ASIC2: variants seen among roughly 807,000 people sequenced by gnomAD.
ASIC2 encodes the protein acid-sensing ion channel 2.
ASIC2 carries 25 observed loss-of-function variants against 57.3 expected under a neutral mutation model. The ratio of observed to expected loss-of-function variants is 0.44; its 90% CI spans 0.32 to 0.61. The LOEUF (loss-of-function observed/expected upper bound fraction) is 0.61. ASIC2 is among the 20% of genes least tolerant of loss of function. The pLI is 0.06. For synonymous variants in ASIC2, 319 were observed against 307.5 expected, an observed-to-expected ratio of 1.04 and a Z score of -0.39; for missense variants, 641 against 738.1, an observed-to-expected ratio of 0.87 and a Z score of 1.52.
At chr17:33,996,375 T>A (rs1197237180) in intron 1 of ASIC2, among the ~76,000 whole-genome samples, 1 of 152,214 alleles carries the variant, frequency 6.6e-6, no homozygotes, top group Non-Finnish European at 1.5e-5. Flanking sequence ...TTTGTCTAGT[T>A]TTGCTTTTGT....
At chr17:33,716,011 T>C (rs777999743) in intron 1 of ASIC2, among the ~76,000 whole-genome samples, 3 of 152,152 alleles carry the variant, frequency 2.0e-5, no homozygotes, top group Non-Finnish European at 4.4e-5. Flanking sequence ...TCCTCCTCCA[T>C]TGCCACATAG....
chr17:34,057,590 G>A (rs559280173), intron 1 of ASIC2, among the ~76,000 whole-genome samples: 2 of 152,206 alleles, frequency 1.3e-5, no homozygotes, highest in East Asian at 3.9e-4. Context: ...GACTGCAGGA[G>A]GGGAGGAAAT....
chr17:33,862,558 G>A (rs887893778), intron 1 of ASIC2, among the ~76,000 whole-genome samples: 3 of 152,146 alleles, frequency 2.0e-5, no homozygotes, highest in African/African-American at 7.2e-5. Context: ...GTGCAAGTAG[G>A]TATTCCAGGT....
rs17249368 is a variant in ASIC2 at position 33,431,790 on chromosome 17, C to T, written c.556-319723G>A. Among the ~76,000 whole-genome samples the T allele has an allele frequency of 7.1e-3, 1,073 of 152,182 alleles. 48 individuals are homozygous for T. In the East Asian group the frequency reaches 0.096, roughly 14 times the overall value. On this transcript the variant is annotated intron_variant, in intron 1 of 9. Coordinates refer to the ASIC2 transcript ENST00000359872. ...CATCATAAAAATATTGAGGGCAAAA[C>T]CCACACAAAATCATCATAAGAACGA...
chr17:33,353,161 G>A (rs1020485258), intron 1 of ASIC2, among the ~76,000 whole-genome samples: 1 of 152,082 alleles, frequency 6.6e-6, no homozygotes, highest in African/African-American at 2.4e-5. Context: ...CATTAATTTG[G>A]CATTTTTAAG....
rs570349820 is a variant in ASIC2 at position 33,461,249 on chromosome 17, TAA to T, written c.556-349184_556-349183del. On this transcript the variant is annotated intron_variant, in intron 1 of 9. Coordinates refer to the ASIC2 transcript ENST00000359872. ...CACTTAACATTCCTTTACGTTTAGA[TAA>T]AAGTTTTGAAACCTTATTCACCCTG... Among the ~76,000 whole-genome samples, 29 of 152,356 alleles carry T rather than the reference TAA, an allele frequency of 1.9e-4. No individual in the cohort carries two copies. In the East Asian group the frequency reaches 5.6e-3, roughly 29 times the overall value.
In ASIC2 at chr17:33,232,431, TATGGTATGGTATGGA is replaced by T. The variant is rs1457988145; in HGVS notation, c.708+58962_708+58976del. On this transcript the variant is annotated intron_variant, in intron 1 of 9. Transcript: ENST00000225823. ...AATGGTATGGTATGGTATGGTATGG[TATGGTATGGTATGGA>T]ATGGTATGGTATGGTATGGTATGGT... Among the ~76,000 whole-genome samples, 93 of 139,888 alleles carry T rather than the reference TATGGTATGGTATGGA, an allele frequency of 6.6e-4. 1 individual carries two copies. The East Asian group carries it at 0.016, about 24-fold the overall frequency. The allele number at this position is 139,888 out of a possible 152,430, so 91.8% of individuals were successfully genotyped here.
intron 1 of ASIC2, among the ~76,000 whole-genome samples, chr17:34,073,037 A>T (rs1227143282): frequency 6.6e-6 from 1 of 152,224 alleles, no homozygotes; most frequent in East Asian, 1.9e-4. Context: ...AAGAACCAGG[A>T]GGTGATAGGA....
At chr17:34,025,429 C>G (rs77486511) in intron 1 of ASIC2, among the ~76,000 whole-genome samples, 7 of 152,222 alleles carry the variant, frequency 4.6e-5, no homozygotes, top group Non-Finnish European at 8.8e-5. Context: ...CACTTGTTAC[C>G]CTGAGTGAAG....
intron 1 of ASIC2, among the ~76,000 whole-genome samples, chr17:33,838,903 C>A (rs1212650322): frequency 2.0e-5 from 3 of 152,112 alleles, no homozygotes; most frequent in Non-Finnish European, 4.4e-5. Context: ...TACTATAGAC[C>A]AAGGCTTCTC....
intron 3 of ASIC2, among the ~76,000 whole-genome samples, chr17:33,054,107 C>T (rs2091988528): frequency 6.6e-6 from 1 of 152,188 alleles, no homozygotes; most frequent in South Asian, 2.1e-4. Context: ...TCAGTTTGTG[C>T]CCTTCTGCCA....
At chr17:33,748,927 C>T (rs1910346519) in intron 1 of ASIC2, among the ~76,000 whole-genome samples, 1 of 152,204 alleles carries the variant, frequency 6.6e-6, no homozygotes, top group Non-Finnish European at 1.5e-5. Flanking sequence ...GGAAACATCT[C>T]CCCAGCCTTC....
intron 1 of ASIC2, among the ~76,000 whole-genome samples, chr17:33,852,770 GCTCACATT>G (rs1913807943): frequency 6.6e-6 from 1 of 152,126 alleles, no homozygotes. Context: ...ACTCAAAGGG[GCTCACATT>G]ACAAATTGTC....
chr17:33,630,475 G>A (rs1387936582), intron 1 of ASIC2, among the ~76,000 whole-genome samples: 2 of 152,216 alleles, frequency 1.3e-5, no homozygotes, highest in South Asian at 2.1e-4. Flanking sequence ...AAAGGACCTT[G>A]TGTGTGCCCC....
intron 5 of ASIC2, among the ~76,000 whole-genome samples, chr17:33,025,562 T>A (rs2091855350): frequency 6.6e-6 from 1 of 152,122 alleles, no homozygotes; most frequent in Admixed American, 6.5e-5. Flanking sequence ...GCTCCTCTGA[T>A]GCCTACCTGG....
intron 1 of ASIC2, among the ~76,000 whole-genome samples, chr17:33,314,100 G>C (rs1001740581): frequency 2.0e-5 from 3 of 152,158 alleles, no homozygotes; most frequent in African/African-American, 4.8e-5. Flanking sequence ...TCTGGAGCTA[G>C]AGACGTGGGC....
intron 1 of ASIC2, among the ~76,000 whole-genome samples, chr17:33,275,428 T>C (rs1236644279): frequency 6.6e-6 from 1 of 152,206 alleles, no homozygotes; most frequent in Admixed American, 6.5e-5. Flanking sequence ...TAGACTTCAG[T>C]GGAAAGTAAT....
chr17:33,262,212 T>C (rs1299766209), intron 1 of ASIC2, among the ~76,000 whole-genome samples: 1 of 152,102 alleles, frequency 6.6e-6, no homozygotes, highest in Non-Finnish European at 1.5e-5. Context: ...ACTCACCTGC[T>C]TGCTTCAAAA....
At chr17:33,185,082 A>G (rs1439287586) in intron 1 of ASIC2, among the ~76,000 whole-genome samples, 2 of 152,194 alleles carry the variant, frequency 1.3e-5, no homozygotes, top group Non-Finnish European at 2.9e-5. Flanking sequence ...AAATGAAACA[A>G]AACTACAATA....
Sources: gnomAD v4.1 joint callset for allele counts (sites outside exome capture counted in the v4.1 genomes callset) on GRCh38, gnomAD v4.1.1 for gene constraint, MANE v1.5 for transcripts, NCBI Gene and HGNC (gene_info 2026-07-23, HGNC 2026-07-21) for gene names.